PDCD6IP: variants seen among roughly 807,000 people sequenced by gnomAD.
The protein encoded by PDCD6IP is programmed cell death 6-interacting protein.
In PDCD6IP, 43 loss-of-function variants were observed where a neutral mutation model predicts 103.7. The observed-to-expected ratio is 0.41, with a 90% CI of 0.32 to 0.53. The LOEUF is 0.53. PDCD6IP is among the 20% of genes least tolerant of loss of function. The pLI is 0.16. For missense variants in PDCD6IP, 871 were observed against 1,036.7 expected (o/e 0.84, Z 2.20); for synonymous variants, 354 against 378.7 (o/e 0.93, Z 0.76).
At chr3:33,847,867 G>A (rs1697627306) in intron 12 of PDCD6IP, among the ~76,000 whole-genome samples, 1 of 152,102 alleles carries the variant, frequency 6.6e-6, no homozygotes, top group Admixed American at 6.5e-5. Context: ...TGGCCCTAAT[G>A]TATATGGGGC....
At chr3:33,812,192 C>T (rs1408072314) in intron 2 of PDCD6IP, 66 bp downstream of exon 2, 4 of 1,547,258 alleles carry the variant, frequency 2.6e-6, no homozygotes, top group Non-Finnish European at 2.6e-6. Context: ...CCAATATCTT[C>T]ACTGTCTTTA....
chr3:33,826,393 T>A, intron 5 of PDCD6IP, 87 bp from the exon 6 acceptor site: 1 of 863,434 alleles, frequency 1.2e-6, no homozygotes, highest in South Asian at 1.8e-5. Flanking sequence ...CAGATGCGTG[T>A]ACAAACTTGT....
chr3:33,825,891 A>G (rs1173772869), intron 5 of PDCD6IP, among the ~76,000 whole-genome samples: 1 of 152,210 alleles, frequency 6.6e-6, no homozygotes, highest in African/African-American at 2.4e-5. Context: ...TTAGTCAAGA[A>G]GGCTTTCTTT....
chr3:33,853,415 T>A (rs1242256261), intron 13 of PDCD6IP, among the ~76,000 whole-genome samples: 13 of 152,148 alleles, frequency 8.5e-5, no homozygotes, highest in African/African-American at 1.9e-4. Flanking sequence ...AGTCATTTTT[T>A]AAAAAAATAA....
intron 3 of PDCD6IP, among the ~76,000 whole-genome samples, chr3:33,818,513 CTT>C (rs61405380): frequency 0.017 from 1,522 of 89,018 alleles, 8 homozygotes; most frequent in African/African-American, 0.031. Context: ...TGATCCCTTG[CTT>C]TTTTTTTTTT....
chr3:33,864,225 G>A, intron 16 of PDCD6IP, 96 bp downstream of exon 16: 1 of 763,634 alleles, frequency 1.3e-6, no homozygotes, highest in South Asian at 1.8e-5. Flanking sequence ...GAAGGATCTA[G>A]TGGTTACCAC....
intron 6 of PDCD6IP, chr3:33,828,444 C>T (rs750982069): frequency 6.6e-4 from 102 of 153,898 alleles, no homozygotes; most frequent in Non-Finnish European, 1.3e-3. Context: ...TTAGTTAACT[C>T]TACAGGCTGG....
Position 33,836,137 on chromosome 3 carries a change from G to C in PDCD6IP, c.928G>C (p.Ala310Pro), listed in dbSNP as rs1249196060. 6.2e-7 allele frequency: 1 copy of C among 1,610,910 alleles called. No individual in the cohort carries two copies. The highest frequency in any genetic ancestry group is 1.1e-5 in the South Asian group (1 of 91,014). Residue 310 changes from alanine (A) to proline (P), a missense_variant, in exon 8 of 18, where the codon GCA (alanine) becomes CCA (proline). Ala to Pro is a conservative substitution (Grantham distance 27). This residue lies in a region of PDCD6IP where 242 missense variants were observed against 250.7 expected (regional missense o/e 0.97). Transcript: ENST00000307296. The part of the protein sequence containing the change: ...FSDKINRALA[A>P]AKKDNDFIYH... ...TGACAAAATCAATCGTGCCCTTGCT[G>C]CAGCAAAGAAGGATAATGACTTCAT...
chr3:33,812,056 C>G lies in PDCD6IP; in HGVS notation c.210-16C>G. 1 of 1,581,418 alleles carries G rather than the reference C, an allele frequency of 6.3e-7. No homozygotes were observed. The highest frequency in any genetic ancestry group is 8.6e-7 in the Non-Finnish European group (1 of 1,166,580). On this transcript the variant is annotated splice_polypyrimidine_tract_variant and intron_variant, in intron 1 of 17. Coordinates refer to ENST00000307296, the MANE Select transcript of PDCD6IP (RefSeq NM_013374.6). ...TATTTAGCTCTGGTAATTATTAATT[C>G]TGCTCTATTTTTTAGATATTATGAT...
intron 1 of PDCD6IP, among the ~76,000 whole-genome samples, chr3:33,805,945 C>T (rs986450373): frequency 1.3e-5 from 2 of 151,828 alleles, no homozygotes; most frequent in African/African-American, 4.8e-5. Flanking sequence ...CGGGGTTTCA[C>T]CGTGTTAGCC....
intron 15 of PDCD6IP, among the ~76,000 whole-genome samples, chr3:33,862,113 G>T (rs1468171213): frequency 1.3e-5 from 2 of 152,048 alleles, no homozygotes; most frequent in African/African-American, 4.8e-5. Flanking sequence ...GGAAAAGAAA[G>T]GTATTGTGTT....
chr3:33,828,833 G>A lies in PDCD6IP; in HGVS notation c.718-20G>A. 6.2e-7 allele frequency: 1 copy of A among 1,612,196 alleles called. No individual in the cohort carries two copies. Among genetic ancestry groups the A allele is most frequent in the African/African-American group, 1.3e-5 (1 of 74,888 alleles). On this transcript the variant is annotated intron_variant, in intron 6 of 17. Coordinates refer to ENST00000307296, the MANE Select transcript of PDCD6IP (RefSeq NM_013374.6). ...GTTTGTGTGGTTGGACTCTCCCCTG[G>A]TCAGTATTTTTATTTCCAGGAGGTG...
At chr3:33,827,842 T>G (rs1697163838) in intron 6 of PDCD6IP, 1 of 152,200 alleles carries the variant, frequency 6.6e-6, no homozygotes, top group Non-Finnish European at 1.5e-5. Context: ...TATTTTTTCC[T>G]TTTTACTAAT....
intron 7 of PDCD6IP, 36 bp from the exon 8 acceptor site, chr3:33,836,007 TC>T: frequency 1.8e-6 from 2 of 1,099,664 alleles, no homozygotes; most frequent in Non-Finnish European, 2.7e-6. Context: ...ATCACCTCCC[TC>T]TTTTTTTTTT....
intron 4 of PDCD6IP, among the ~76,000 whole-genome samples, chr3:33,824,593 T>C (rs540203936): frequency 1.3e-4 from 20 of 152,356 alleles, no homozygotes; most frequent in African/African-American, 2.6e-4. Flanking sequence ...GACTGATTTA[T>C]TTCTTTTTCT....
chr3:33,828,308 A>G (rs1262271596), intron 6 of PDCD6IP, among the ~76,000 whole-genome samples: 1 of 152,172 alleles, frequency 6.6e-6, no homozygotes, highest in Non-Finnish European at 1.5e-5. Flanking sequence ...TATATGGCTA[A>G]AATCATCTTC....
chr3:33,861,149 T>A (rs140110667), intron 15 of PDCD6IP, among the ~76,000 whole-genome samples: 56 of 74,848 alleles, frequency 7.5e-4, no homozygotes, highest in Non-Finnish European at 1.2e-3. Flanking sequence ...TAATCTGTAT[T>A]TTTTTTTTTT....
At chr3:33,805,224 C>T (rs1462678014) in intron 1 of PDCD6IP, among the ~76,000 whole-genome samples, 2 of 151,514 alleles carry the variant, frequency 1.3e-5, no homozygotes, top group South Asian at 4.2e-4. Flanking sequence ...GTCATGGTGG[C>T]GGGTGCCTGT....
At chr3:33,860,139 A>G (rs1697920228) in intron 15 of PDCD6IP, among the ~76,000 whole-genome samples, 1 of 152,326 alleles carries the variant, frequency 6.6e-6, no homozygotes, top group African/African-American at 2.4e-5. Flanking sequence ...AGCTCTGGAT[A>G]TTCTAAGGAA....
Sources: allele counts gnomAD v4.1 joint callset (sites outside exome capture counted in the v4.1 genomes callset), GRCh38; gene constraint gnomAD v4.1.1; regional missense constraint gnomAD v4.1.1; transcripts MANE v1.5; gene names NCBI Gene and HGNC (gene_info 2026-07-23, HGNC 2026-07-21).